Variants in ZRANB1 observed in about 807,000 individuals in gnomAD.
ZRANB1 encodes the protein zinc finger RANBP2-type containing 1, also known as ubiquitin thioesterase ZRANB1.
ZRANB1 carries 16 observed loss-of-function variants against 80.5 expected under a neutral mutation model. The ratio of observed to expected loss-of-function variants is 0.20; its 90% CI spans 0.13 to 0.30. ZRANB1 has a LOEUF of 0.30. Among genes scored for constraint, ZRANB1 ranks in the 10% least tolerant of loss-of-function variants. The probability of loss-of-function intolerance (pLI) is 1.00; values close to 1 mark genes in which losing one functional copy is unlikely to be tolerated. For missense variants in ZRANB1, 576 were observed against 862.6 expected (o/e 0.67, Z 4.16); for synonymous variants, 291 against 293.1 (o/e 0.99, Z 0.07).
At chr10:124,916,961 C>T in the ZRANB1 span, among the ~76,000 whole-genome samples, 1 of 152,080 alleles carries the variant, frequency 6.6e-6, no homozygotes, top group East Asian at 1.9e-4. Context: ...TCCCACACCT[C>T]AGTGCCCCCG....
chr10:124,968,409 C>G (rs74355586), intron 2 of ZRANB1, among the ~76,000 whole-genome samples: 1 of 152,106 alleles, frequency 6.6e-6, no homozygotes, highest in East Asian at 1.9e-4. Context: ...GTAGCTAACC[C>G]CTGTGTCCAG....
rs147152846 is a variant in ZRANB1 at position 124,975,734 on chromosome 10, G to T, written c.1427+1336G>T. On this transcript the variant is annotated intron_variant, in intron 5 of 8. Transcript: ENST00000359653. ...TAATGCAGTATGGCTGGGGTTTGTG[G>T]CTCATGCCTGCAATCCTATTGCTTT... is the stretch of plus-strand genomic sequence containing the variant. 1.3e-4 allele frequency among the ~76,000 whole-genome samples: 20 copies of T among 152,330 alleles called. No homozygotes were observed. The East Asian group carries it at 3.5e-3, about 26-fold the overall frequency.
the ZRANB1 span, among the ~76,000 whole-genome samples, chr10:124,916,919 C>T: frequency 6.6e-6 from 1 of 151,962 alleles, no homozygotes; most frequent in African/African-American, 2.4e-5. Flanking sequence ...CCTCGGCCGC[C>T]GCCATTAGGG....
chr10:124,987,845 C>CAAAT lies in ZRANB1; in HGVS notation c.*2855_*2858dup, dbSNP rs1225302544. 6.6e-6 allele frequency: 1 copy of CAAAT among 152,146 alleles called. No homozygotes were observed. The highest frequency in any genetic ancestry group is 1.5e-5 in the Non-Finnish European group (1 of 68,020). The allele number at this position is 152,146 out of a possible 1,614,324, so 9.4% of individuals were successfully genotyped here. ...AATTGTTGGACTTAATTGACACTTG[C>CAAAT]AAATACTTTTAGTATAAAGGTTTAA... On this transcript the variant is annotated 3_prime_UTR_variant, in exon 9 of 9. Coordinates refer to ENST00000359653, the MANE Select transcript of ZRANB1 (RefSeq NM_017580.3).
At chr10:124,922,279 A>ATATAT in the ZRANB1 span, among the ~76,000 whole-genome samples, 2 of 37,848 alleles carry the variant, frequency 5.3e-5, no homozygotes, top group African/African-American at 1.1e-4. Context: ...ATATATATGT[A>ATATAT]AAATATATAT....
chr10:124,977,175 A>G (rs541073476), intron 5 of ZRANB1, among the ~76,000 whole-genome samples: 32 of 138,546 alleles, frequency 2.3e-4, no homozygotes, highest in Admixed American at 2.1e-3. Flanking sequence ...TCCTCACTGT[A>G]TTGCCCAGGC....
chr10:124,946,999 G>T (rs1951591112), intron 1 of ZRANB1, among the ~76,000 whole-genome samples: 1 of 152,176 alleles, frequency 6.6e-6, no homozygotes, highest in Non-Finnish European at 1.5e-5. Flanking sequence ...GAAAAAAATT[G>T]CAACCTCAGG....
chr10:124,921,731 T>C, the ZRANB1 span, among the ~76,000 whole-genome samples: 2 of 152,160 alleles, frequency 1.3e-5, no homozygotes, highest in South Asian at 2.1e-4. Flanking sequence ...TTTTCAGAAA[T>C]AGTAGGCATT....
intron 1 of ZRANB1, among the ~76,000 whole-genome samples, chr10:124,955,522 C>T (rs1039510918): frequency 6.6e-6 from 1 of 152,142 alleles, no homozygotes; most frequent in Non-Finnish European, 1.5e-5. Context: ...CCTTGGCTAA[C>T]TTTGCGTGAT....
At chr10:124,984,641 A>T in intron 8 of ZRANB1, 133 bp from the exon 9 acceptor site, 1 of 874,364 alleles carries the variant, frequency 1.1e-6, no homozygotes, top group Non-Finnish European at 1.7e-6. Flanking sequence ...CAAGAGGTCA[A>T]AACCATGTGA....
chr10:124,931,970 A>G, the ZRANB1 span, among the ~76,000 whole-genome samples: 1 of 152,038 alleles, frequency 6.6e-6, no homozygotes, highest in African/African-American at 2.4e-5. Flanking sequence ...TGCTCTTCCT[A>G]TTCATCCCTT....
the ZRANB1 span, among the ~76,000 whole-genome samples, chr10:124,920,161 G>A: frequency 1.3e-5 from 2 of 150,876 alleles, no homozygotes; most frequent in African/African-American, 4.9e-5. Flanking sequence ...GACCTCAGAT[G>A]ATCATCTGCC....
intron 2 of ZRANB1, among the ~76,000 whole-genome samples, chr10:124,970,734 C>T (rs1161923078): frequency 6.6e-6 from 1 of 151,964 alleles, no homozygotes; most frequent in Non-Finnish European, 1.5e-5. Flanking sequence ...TGTTGCTTCA[C>T]ACCCCACTGT....
At chr10:124,918,862 G>T in the ZRANB1 span, among the ~76,000 whole-genome samples, 1 of 152,172 alleles carries the variant, frequency 6.6e-6, no homozygotes, top group Non-Finnish European at 1.5e-5. Context: ...GCTGTTGGGG[G>T]TTTACGAGAT....
At chr10:124,984,451 T>TA in intron 8 of ZRANB1, 1 of 260,788 alleles carries the variant, frequency 3.8e-6, no homozygotes, top group South Asian at 1.1e-4. Flanking sequence ...TAAGTAAACT[T>TA]ACCTTGTCAT....
At chr10:124,940,595 G>C, upstream of ZRANB1, 3 of 1,221,780 alleles carry the variant, frequency 2.5e-6, no homozygotes, top group Non-Finnish European at 3.2e-6. Flanking sequence ...CTTTCTTATA[G>C]TGATTTTTTT....
intron 6 of ZRANB1, 81 bp downstream of exon 6, chr10:124,981,910 T>TG: frequency 7.8e-6 from 12 of 1,545,668 alleles, no homozygotes; most frequent in Non-Finnish European, 9.7e-6. Flanking sequence ...CAAACCATGT[T>TG]GGGGGCAATG....
chr10:124,961,198 G>T (rs1951731262), intron 1 of ZRANB1, among the ~76,000 whole-genome samples: 1 of 151,912 alleles, frequency 6.6e-6, no homozygotes, highest in African/African-American at 2.4e-5. Flanking sequence ...TAGAGACAGG[G>T]TTTCACCATG....
intron 5 of ZRANB1, among the ~76,000 whole-genome samples, chr10:124,980,568 G>A (rs987324815): frequency 2.6e-5 from 4 of 152,052 alleles, no homozygotes; most frequent in Admixed American, 2.0e-4. Flanking sequence ...TTATCTTAGC[G>A]ATTATAAAAG....
Sources: allele counts gnomAD v4.1 joint callset (sites outside exome capture counted in the v4.1 genomes callset), GRCh38; gene constraint gnomAD v4.1.1; transcripts MANE v1.5; gene names NCBI Gene and HGNC (gene_info 2026-07-23, HGNC 2026-07-21).